WWTR1: variants seen among roughly 807,000 people sequenced by gnomAD.
WWTR1 encodes the protein WW domain containing transcription regulator 1.
WWTR1 carries 13 observed loss-of-function variants against 40.1 expected under a neutral mutation model. The observed-to-expected ratio is 0.32, with a 90% CI of 0.21 to 0.52. The LOEUF is 0.52. Ranked by LOEUF, WWTR1 falls within the 20% of genes least tolerant of loss-of-function variation. WWTR1 has a pLI of 0.97. For missense variants in WWTR1, 436 were observed against 523.1 expected, an observed-to-expected ratio of 0.83 and a Z score of 1.63; for synonymous variants, 230 against 210.1, an observed-to-expected ratio of 1.09 and a Z score of -0.82.
intron 1 of WWTR1, among the ~76,000 whole-genome samples, chr3:149,698,065 G>T (rs1485284632): frequency 3.3e-5 from 5 of 152,162 alleles, no homozygotes; most frequent in African/African-American, 7.2e-5. Context: ...GCTCTCACAG[G>T]TTGGAGTTGA....
At chr3:149,641,522 C>G (rs1712170690) in intron 2 of WWTR1, among the ~76,000 whole-genome samples, 1 of 152,198 alleles carries the variant, frequency 6.6e-6, no homozygotes, top group African/African-American at 2.4e-5. Context: ...CAACAATTAA[C>G]TAGGGCCGGC....
At chr3:149,593,792 G>A (rs967629106) in intron 2 of WWTR1, among the ~76,000 whole-genome samples, 1 of 152,194 alleles carries the variant, frequency 6.6e-6, no homozygotes, top group Admixed American at 6.5e-5. Context: ...ATTATTTTGT[G>A]TGAAAATATA....
chr3:149,585,642 G>A (rs993591465), intron 2 of WWTR1, among the ~76,000 whole-genome samples: 1 of 151,872 alleles, frequency 6.6e-6, no homozygotes, highest in Non-Finnish European at 1.5e-5. Context: ...TACTGCCCTT[G>A]TTGGTAATGA....
chr3:149,647,728 CTT>C (rs1387256462), intron 2 of WWTR1, among the ~76,000 whole-genome samples: 2 of 152,174 alleles, frequency 1.3e-5, no homozygotes, highest in Non-Finnish European at 2.9e-5. Context: ...TTTCCAGACT[CTT>C]TTAAGTCAGC....
intron 1 of WWTR1, among the ~76,000 whole-genome samples, chr3:149,671,854 T>A: frequency 6.6e-6 from 1 of 152,196 alleles, no homozygotes; most frequent in Non-Finnish European, 1.5e-5. Context: ...GTAATTTTTT[T>A]ATTTCCTGTG....
At chr3:149,665,795 A>T (rs117761276) in intron 2 of WWTR1, among the ~76,000 whole-genome samples, 2,097 of 152,294 alleles carry the variant, frequency 0.014, 32 homozygotes, top group East Asian at 0.062. Flanking sequence ...TAAAAAGATA[A>T]ATATTTCTCT....
chr3:149,610,528 T>C (rs777949026), intron 2 of WWTR1, among the ~76,000 whole-genome samples: 30 of 152,200 alleles, frequency 2.0e-4, no homozygotes, highest in Non-Finnish European at 3.7e-4. Context: ...GGGTAAACAG[T>C]CTCTCACACA....
chr3:149,649,083 C>A (rs1014859126), intron 2 of WWTR1: 1 of 152,466 alleles, frequency 6.6e-6, no homozygotes, highest in African/African-American at 2.4e-5. Flanking sequence ...ACCTCTGCCT[C>A]CCGGATTCAA....
rs761573225 is a variant in WWTR1 at position 149,527,817 on chromosome 3, C to A, written c.905+19G>T. The stretch of plus-strand genomic sequence containing the variant: ...TAATAAAGAGAATAAAAATAAGTGG[C>A]CCCCAAATATTAACTTACCCATTGA... On this transcript the variant is annotated intron_variant, in intron 5 of 6. Coordinates refer to ENST00000360632, the MANE Select transcript of WWTR1 (RefSeq NM_015472.6). The A allele has an allele frequency of 1.1e-5, 17 of 1,613,512 alleles. No homozygotes were observed. In the South Asian group the frequency reaches 1.9e-4, roughly 18 times the overall value.
chr3:149,632,055 C>G (rs771174905), intron 2 of WWTR1, among the ~76,000 whole-genome samples: 6 of 152,032 alleles, frequency 3.9e-5, no homozygotes, highest in Non-Finnish European at 5.9e-5. Context: ...GGACTACAGG[C>G]GCCCACCACT....
intron 1 of WWTR1, among the ~76,000 whole-genome samples, chr3:149,684,148 T>A (rs753091109): frequency 6.6e-6 from 1 of 152,018 alleles, no homozygotes; most frequent in Non-Finnish European, 1.5e-5. Flanking sequence ...CATGCATAGA[T>A]TATCATTTTT....
At chr3:149,656,803 A>T (rs1167176933) in intron 2 of WWTR1, 73 bp downstream of exon 2, 3 of 1,362,076 alleles carry the variant, frequency 2.2e-6, no homozygotes, top group Non-Finnish European at 2.9e-6. Context: ...ACACACACAC[A>T]CACACACACA....
At chr3:149,680,698 C>G (rs965165937) in intron 1 of WWTR1, among the ~76,000 whole-genome samples, 3 of 151,754 alleles carry the variant, frequency 2.0e-5, no homozygotes, top group African/African-American at 4.8e-5. Flanking sequence ...AAGAATTAAC[C>G]AGGCTTAATG....
intron 2 of WWTR1, among the ~76,000 whole-genome samples, chr3:149,585,354 T>C (rs183026696): frequency 1.5e-3 from 234 of 152,222 alleles, no homozygotes; most frequent in Non-Finnish European, 2.7e-3. Context: ...AGGCTGGTCT[T>C]GAACTCCTGA....
chr3:149,550,697 TCA>T (rs1308508777), intron 3 of WWTR1, among the ~76,000 whole-genome samples: 2,461 of 113,508 alleles, frequency 0.022, 252 homozygotes, highest in African/African-American at 0.032. Flanking sequence ...GGACTGCTGT[TCA>T]AGATACAGAG....
At chr3:149,551,756 G>A (rs1736626355) in intron 3 of WWTR1, among the ~76,000 whole-genome samples, 1 of 145,210 alleles carries the variant, frequency 6.9e-6, no homozygotes, top group Admixed American at 6.9e-5. Flanking sequence ...CTAACTCAGG[G>A]CAGCAGAACT....
Position 149,657,164 on chromosome 3 carries a change from A to G in WWTR1, c.143T>C (p.Leu48Pro). 6.2e-7 allele frequency: 1 copy of G among 1,608,088 alleles called. No homozygotes were observed. The highest frequency in any genetic ancestry group is 8.5e-7 in the Non-Finnish European group (1 of 1,177,820). Residue 48 changes from leucine to proline, a missense_variant, in exon 2 of 7, where the codon CTG (leucine) becomes CCG (proline). Physicochemically the swap from Leu to Pro is moderately conservative, Grantham distance 98 (BLOSUM62 -3). Coordinates refer to ENST00000360632, the MANE Select transcript of WWTR1 (RefSeq NM_015472.6). ...AGGCTCCTTAAAGAAAGACTCCGGCAGGATCTTCTTCCGCCACGAGCTAGG... is the reference window on the plus strand; with the variant it reads ...AGGCTCCTTAAAGAAAGACTCCGGCGGGATCTTCTTCCGCCACGAGCTAGG... Reference protein sequence around the residue: ...PKPSSWRKKILPESFFKEPDS... With the variant: ...PKPSSWRKKIPPESFFKEPDS...
intron 4 of WWTR1, among the ~76,000 whole-genome samples, chr3:149,539,310 C>T (rs371614635): frequency 3.3e-5 from 5 of 152,262 alleles, no homozygotes; most frequent in South Asian, 2.1e-4. Flanking sequence ...CTATAGACAG[C>T]GTGATAATTT....
intron 3 of WWTR1, among the ~76,000 whole-genome samples, chr3:149,549,228 G>A (rs1736507053): frequency 6.6e-6 from 1 of 152,074 alleles, no homozygotes; most frequent in Non-Finnish European, 1.5e-5. Flanking sequence ...GGGAGTTGGG[G>A]GGCAACATTA....
Sources: allele counts gnomAD v4.1 joint callset (sites outside exome capture counted in the v4.1 genomes callset), GRCh38; gene constraint gnomAD v4.1.1; transcripts MANE v1.5; gene names NCBI Gene and HGNC (gene_info 2026-07-23, HGNC 2026-07-21).